MBD2: variants seen among roughly 807,000 people sequenced by gnomAD.
MBD2 encodes the protein methyl-CpG-binding domain protein 2.
MBD2 carries 9 observed loss-of-function variants against 39.3 expected under a neutral mutation model. The observed-to-expected ratio is 0.23, with a 90% CI of 0.14 to 0.40. The LOEUF is 0.40. Ranked by LOEUF, MBD2 falls within the 10% of genes least tolerant of loss-of-function variation. The pLI is 1.00. For synonymous variants in MBD2, 233 were observed against 211.1 expected, an observed-to-expected ratio of 1.10 and a Z score of -0.90; for missense variants, 458 against 532.6, an observed-to-expected ratio of 0.86 and a Z score of 1.38.
At chr18:54,213,091 G>GT (rs1412611187) in intron 1 of MBD2, among the ~76,000 whole-genome samples, 1 of 126,448 alleles carries the variant, frequency 7.9e-6, no homozygotes, top group Non-Finnish European at 1.7e-5. Context: ...GGGGCGGGGG[G>GT]GGGGATTATT....
chr18:54,198,752 G>C (rs1485418285), intron 2 of MBD2, among the ~76,000 whole-genome samples: 1 of 152,118 alleles, frequency 6.6e-6, no homozygotes, highest in Non-Finnish European at 1.5e-5. Context: ...CAATTCAAAG[G>C]TTCCTGGAGG....
At chr18:54,203,144 T>C (rs776701124) in intron 2 of MBD2, 2 of 1,606,268 alleles carry the variant, frequency 1.2e-6, no homozygotes, top group South Asian at 1.1e-5. Flanking sequence ...GATGAATTAG[T>C]GTTTGGTTTT....
At chr18:54,217,405 A>G (rs2086570518) in intron 1 of MBD2, among the ~76,000 whole-genome samples, 1 of 152,176 alleles carries the variant, frequency 6.6e-6, no homozygotes, top group Admixed American at 6.5e-5. Context: ...AAATTAAGTA[A>G]AACACCATAT....
intron 3 of MBD2, among the ~76,000 whole-genome samples, chr18:54,183,256 T>C: frequency 1.3e-5 from 2 of 152,178 alleles, no homozygotes; most frequent in Admixed American, 6.5e-5. Context: ...AGTAGGAGAA[T>C]TGACACAAAC....
At chr18:54,219,653 A>C (rs2086593456) in intron 1 of MBD2, among the ~76,000 whole-genome samples, 1 of 152,198 alleles carries the variant, frequency 6.6e-6, no homozygotes, top group South Asian at 2.1e-4. Flanking sequence ...AGTTTTCTAG[A>C]TACTACATGG....
chr18:54,192,879 A>G (rs1229651780), intron 2 of MBD2, among the ~76,000 whole-genome samples: 1 of 152,222 alleles, frequency 6.6e-6, no homozygotes, highest in Non-Finnish European at 1.5e-5. Flanking sequence ...ACTAACTTCC[A>G]TTGTCTAATG....
In MBD2 at chr18:54,159,858, T is replaced by G. The variant is rs556815249; in HGVS notation, c.1155A>C (p.Glu385Asp). The G allele has an allele frequency of 9.1e-5, 146 of 1,612,964 alleles. 3 individuals carry two copies. In the South Asian group the frequency reaches 1.3e-3, roughly 14 times the overall value. The change falls in exon 6 of 7, where the codon GAA becomes GAC. Residue 385 changes from glutamate to aspartate, a missense_variant. Coordinates refer to ENST00000256429, the MANE Select transcript of MBD2 (RefSeq NM_003927.5). ...GCGACAAGATGTCTGCCATCAGTGC[T>G]TCTTCCAATTTCTTGCGTACTTGCT... ...RVQQVRKKLE[E>D]ALMADILSRA...
At chr18:54,194,409 A>T (rs2086348349) in intron 2 of MBD2, among the ~76,000 whole-genome samples, 1 of 151,968 alleles carries the variant, frequency 6.6e-6, no homozygotes. Context: ...TGATCATGAA[A>T]TTATTTCACT....
chr18:54,194,821 A>T lies in MBD2; in HGVS notation c.703-5810T>A, dbSNP rs573927705. On this transcript the variant is annotated intron_variant, in intron 2 of 6. Coordinates refer to ENST00000256429, the MANE Select transcript of MBD2 (RefSeq NM_003927.5). ...CAGTGAACCATCAAAAAAATTTAAC[A>T]ATCAGTCAACATCTACATAAAGTCC... Among the ~76,000 whole-genome samples the T allele has an allele frequency of 2.0e-5, 3 of 152,220 alleles. No homozygotes were observed. The South Asian group carries it at 6.2e-4, about 32-fold the overall frequency.
chr18:54,166,102 G>T lies in MBD2; in HGVS notation c.905C>A (p.Thr302Asn). ...ASDVTEQIIK[T>N]MELPKGLQGV... ...TTGAAGACCTTTGGGTAGTTCCATG[G>T]TTTTTATAATTTGTTCTGTTACATC... The change falls in exon 4 of 7, where the codon ACC (threonine) becomes AAC (asparagine). Residue 302 changes from threonine to asparagine, a missense_variant. Transcript: ENST00000256429. 11 of 1,613,648 alleles carry T rather than the reference G, an allele frequency of 6.8e-6. No individual in the cohort carries two copies. Among genetic ancestry groups the T allele is most frequent in the Non-Finnish European group, 9.3e-6 (11 of 1,179,636 alleles).
At chr18:54,196,092 T>A (rs1439174984) in intron 2 of MBD2, among the ~76,000 whole-genome samples, 1 of 152,224 alleles carries the variant, frequency 6.6e-6, no homozygotes, top group Admixed American at 6.5e-5. Flanking sequence ...CTCATCATTT[T>A]AAAATATATA....
At chr18:54,201,367 G>A (rs931913337) in intron 2 of MBD2, among the ~76,000 whole-genome samples, 7 of 152,146 alleles carry the variant, frequency 4.6e-5, no homozygotes, top group African/African-American at 1.7e-4. Context: ...GTGGTGGTTG[G>A]AAATAATTAT....
At chr18:54,199,034 T>C (rs10502987) in intron 2 of MBD2, among the ~76,000 whole-genome samples, 32,796 of 152,172 alleles carry the variant, frequency 0.22, 4,157 homozygotes, top group East Asian at 0.4. Flanking sequence ...CATTAACAAG[T>C]TTCCTCTAAA....
intron 5 of MBD2, among the ~76,000 whole-genome samples, chr18:54,162,767 T>G (rs946898258): frequency 1.3e-5 from 2 of 152,238 alleles, no homozygotes; most frequent in Non-Finnish European, 2.9e-5. Flanking sequence ...TGATTTTACA[T>G]TTTGTTTTCT....
chr18:54,163,165 G>A (rs935390411), intron 5 of MBD2, among the ~76,000 whole-genome samples: 3 of 152,180 alleles, frequency 2.0e-5, no homozygotes, highest in South Asian at 2.1e-4. Context: ...CCAGCTACTC[G>A]GGCGGCTGAG....
chr18:54,164,627 T>C lies in MBD2; in HGVS notation c.1005A>G (p.Pro335=). Reference sequence around the variant, plus strand: ...CAGCAGCGGAGACTTGCCCTGTGATTGGCGCAGAGCTTGTGTGCAAAGCAC... The same window carrying C: ...CAGCAGCGGAGACTTGCCCTGTGATCGGCGCAGAGCTTGTGTGCAAAGCAC... ...VASALHTSSA[P]ITGQVSAAVE... is the part of the protein sequence containing the mutation. Residue 335 remains proline, a synonymous_variant, in exon 5 of 7, where the codon CCA becomes CCG. Coordinates refer to ENST00000256429, the MANE Select transcript of MBD2 (RefSeq NM_003927.5). 6.2e-7 allele frequency: 1 copy of C among 1,614,188 alleles called. No homozygotes were observed. Among genetic ancestry groups the C allele is most frequent in the Non-Finnish European group, 8.5e-7 (1 of 1,180,020 alleles).
At chr18:54,175,885 C>A (rs967872741) in intron 3 of MBD2, among the ~76,000 whole-genome samples, 1 of 152,164 alleles carries the variant, frequency 6.6e-6, no homozygotes, top group Admixed American at 6.5e-5. Context: ...GTATTCTTTA[C>A]AACTATTCAG....
At chr18:54,181,968 C>T (rs781477213) in intron 3 of MBD2, among the ~76,000 whole-genome samples, 2 of 152,136 alleles carry the variant, frequency 1.3e-5, no homozygotes, top group East Asian at 1.9e-4. Context: ...AGACCACATG[C>T]TCTCTCACTC....
chr18:54,181,703 C>G (rs2086253065), intron 3 of MBD2, among the ~76,000 whole-genome samples: 1 of 151,950 alleles, frequency 6.6e-6, no homozygotes, highest in South Asian at 2.1e-4. Context: ...GGTTTCGCAT[C>G]TTGGCCAGGC....
Sources: allele counts gnomAD v4.1 joint callset (sites outside exome capture counted in the v4.1 genomes callset), GRCh38; gene constraint gnomAD v4.1.1; transcripts MANE v1.5; gene names NCBI Gene and HGNC (gene_info 2026-07-23, HGNC 2026-07-21).